The following CPA6 variants were observed in gnomAD, a reference collection of about 807,000 sequenced individuals.
CPA6 encodes the protein carboxypeptidase B.
CPA6 carries 58 observed loss-of-function variants against 63.3 expected under a neutral mutation model. That is an observed-to-expected ratio of 0.92 (90% CI 0.74 to 1.14). The LOEUF (loss-of-function observed/expected upper bound fraction) is 1.14, where lower values mean the gene tolerates loss of function less well. Among genes scored for constraint, CPA6 ranks in the 50% most tolerant of loss-of-function variants. CPA6 has a pLI of 0.00. For synonymous variants in CPA6, 185 were observed against 179.0 expected (o/e 1.03, Z -0.27); for missense variants, 565 against 526.6 (o/e 1.07, Z -0.71).
intron 1 of CPA6, among the ~76,000 whole-genome samples, chr8:67,715,455 C>T (rs528973757): frequency 6.6e-6 from 1 of 152,350 alleles, no homozygotes; most frequent in South Asian, 2.1e-4. Context: ...AGTTTTTTAA[C>T]AGATCTTCCA....
chr8:67,492,951 A>G (rs1455900849), intron 6 of CPA6, among the ~76,000 whole-genome samples: 1 of 152,188 alleles, frequency 6.6e-6, no homozygotes, highest in East Asian at 1.9e-4. Context: ...GCATGGGAGA[A>G]CATAGGGAAC....
At chr8:67,520,689 A>G (rs1045417279) in intron 2 of CPA6, among the ~76,000 whole-genome samples, 1 of 152,218 alleles carries the variant, frequency 6.6e-6, no homozygotes, top group Non-Finnish European at 1.5e-5. Context: ...AATTGTAGAT[A>G]CATTTAATGA....
intron 1 of CPA6, among the ~76,000 whole-genome samples, chr8:67,673,519 G>A (rs1008280718): frequency 3.3e-5 from 5 of 150,584 alleles, no homozygotes; most frequent in African/African-American, 9.7e-5. Context: ...GAGTAGCTGG[G>A]ACTACAGGTG....
chr8:67,607,213 CTTCTTCTTCTTCT>C (rs1814678336), intron 2 of CPA6, among the ~76,000 whole-genome samples: 1 of 101,850 alleles, frequency 9.8e-6, no homozygotes, highest in South Asian at 4.3e-4. Flanking sequence ...TCTTCTTCTT[CTTCTTCTTCTTCT>C]TCTTCTTCTT....
At chr8:67,530,250 T>C (rs924329732) in intron 2 of CPA6, among the ~76,000 whole-genome samples, 1 of 148,638 alleles carries the variant, frequency 6.7e-6, no homozygotes, top group Non-Finnish European at 1.5e-5. Context: ...CAGTCCCACA[T>C]CTGATAAATT....
intron 2 of CPA6, among the ~76,000 whole-genome samples, chr8:67,603,440 G>T (rs981048884): frequency 5.9e-5 from 9 of 151,900 alleles, no homozygotes; most frequent in African/African-American, 2.2e-4. Flanking sequence ...TTCTTTCAGG[G>T]TTATGATTTT....
At chr8:67,717,804 A>G (rs1817410828) in intron 1 of CPA6, among the ~76,000 whole-genome samples, 1 of 152,156 alleles carries the variant, frequency 6.6e-6, no homozygotes, top group Non-Finnish European at 1.5e-5. Flanking sequence ...GATACAGAAG[A>G]GAAGGGAGGG....
chr8:67,460,357 A>G (rs1810773538), intron 8 of CPA6, among the ~76,000 whole-genome samples: 1 of 152,254 alleles, frequency 6.6e-6, no homozygotes, highest in Non-Finnish European at 1.5e-5. Context: ...TAAGGTTATA[A>G]TAAGAGTTAA....
At chr8:67,539,102 T>C (rs1347765590) in intron 2 of CPA6, among the ~76,000 whole-genome samples, 1 of 152,248 alleles carries the variant, frequency 6.6e-6, no homozygotes, top group Admixed American at 6.5e-5. Flanking sequence ...TTGATGGTCT[T>C]TACATTTTGG....
chr8:67,428,593 C>T (rs367846431), intron 9 of CPA6, among the ~76,000 whole-genome samples: 3 of 152,304 alleles, frequency 2.0e-5, no homozygotes, highest in African/African-American at 7.2e-5. Flanking sequence ...AAGCGATTCC[C>T]CTGCCTCAGC....
At chr8:67,634,565 G>T (rs1468889553) in intron 1 of CPA6, among the ~76,000 whole-genome samples, 17 of 151,544 alleles carry the variant, frequency 1.1e-4, no homozygotes, top group Non-Finnish European at 2.9e-5. Flanking sequence ...AAAGAGTAAG[G>T]TTAGATTACA....
chr8:67,694,669 A>C (rs1193337034), intron 1 of CPA6, among the ~76,000 whole-genome samples: 3 of 152,146 alleles, frequency 2.0e-5, no homozygotes, highest in Non-Finnish European at 4.4e-5. Flanking sequence ...GAGTTCTCTA[A>C]AATCAGTTTA....
intron 1 of CPA6, chr8:67,732,682 G>A (rs1817729117): frequency 6.6e-6 from 1 of 152,472 alleles, no homozygotes; most frequent in Non-Finnish European, 1.5e-5. Context: ...GTTTGAACTG[G>A]TTTGAGAAAG....
intron 2 of CPA6, among the ~76,000 whole-genome samples, chr8:67,522,655 A>G (rs897982437): frequency 6.6e-6 from 1 of 152,192 alleles, no homozygotes; most frequent in Admixed American, 6.5e-5. Context: ...GGGGGCTCAG[A>G]CCTTGGGACT....
rs562439482 is a variant in CPA6, at chr8:67,710,070, G to T, written c.116+35944C>A. Among the ~76,000 whole-genome samples the T allele has an allele frequency of 8.6e-5, 13 of 151,566 alleles. No individual in the cohort carries two copies. In the East Asian group the frequency reaches 1.9e-3, roughly 23 times the overall value. ...AGAGGTTGCAGTGAGCTGAGATCGC[G>T]CCACTGCACTCTAGCCTGGGCAACA... On this transcript the variant is annotated intron_variant, in intron 1 of 10. Coordinates refer to ENST00000297770, the MANE Select transcript of CPA6 (RefSeq NM_020361.5).
At chr8:67,662,185 A>G (rs1285061305) in intron 1 of CPA6, among the ~76,000 whole-genome samples, 3 of 152,188 alleles carry the variant, frequency 2.0e-5, no homozygotes, top group Non-Finnish European at 4.4e-5. Context: ...AGAGAGTAGC[A>G]TGTAAGAGTG....
chr8:67,522,400 G>A (rs1279443685), intron 2 of CPA6, among the ~76,000 whole-genome samples: 5 of 152,108 alleles, frequency 3.3e-5, no homozygotes, highest in African/African-American at 1.2e-4. Context: ...TCTTAGTCAT[G>A]GGACAAGAAG....
chr8:67,551,844 T>C (rs1438477799), intron 2 of CPA6, among the ~76,000 whole-genome samples: 2 of 152,128 alleles, frequency 1.3e-5, no homozygotes, highest in East Asian at 3.8e-4. Flanking sequence ...GTGGGCACAT[T>C]TGAATATTCT....
intron 2 of CPA6, among the ~76,000 whole-genome samples, chr8:67,623,800 C>T (rs1815135328): frequency 6.6e-6 from 1 of 151,982 alleles, no homozygotes; most frequent in African/African-American, 2.4e-5. Context: ...TGGCTCATGC[C>T]TGTAATGCCA....
Sources: allele counts gnomAD v4.1 joint callset (sites outside exome capture counted in the v4.1 genomes callset), GRCh38; gene constraint gnomAD v4.1.1; transcripts MANE v1.5; gene names NCBI Gene and HGNC (gene_info 2026-07-23, HGNC 2026-07-21).